Variants in CAMK2D observed in about 807,000 individuals in gnomAD.
The protein encoded by CAMK2D is calcium/calmodulin-dependent protein kinase type II subunit delta.
A neutral mutation model predicts 84.0 loss-of-function variants in CAMK2D; 37 were observed. The ratio of observed to expected loss-of-function variants is 0.44; its 90% CI spans 0.34 to 0.58. CAMK2D has a LOEUF of 0.58. CAMK2D is among the 20% of genes least tolerant of loss of function. The probability of loss-of-function intolerance (pLI) is 0.02; values close to 1 mark genes in which losing one functional copy is unlikely to be tolerated. For synonymous variants in CAMK2D, 202 were observed against 212.5 expected (o/e 0.95, Z 0.43); for missense variants, 448 against 652.5 (o/e 0.69, Z 3.41).
chr4:113,534,310 T>G (rs1293198908), intron 7 of CAMK2D, among the ~76,000 whole-genome samples: 4 of 152,114 alleles, frequency 2.6e-5, no homozygotes, highest in Admixed American at 1.3e-4. Context: ...CAGATTACCA[T>G]GAAGATTCGC....
At chr4:113,585,472 A>G (rs1369386185) in intron 4 of CAMK2D, among the ~76,000 whole-genome samples, 1 of 152,134 alleles carries the variant, frequency 6.6e-6, no homozygotes, top group African/African-American at 2.4e-5. Flanking sequence ...TTGTATACAC[A>G]GGGTAATTCA....
At chr4:113,522,148 T>C (rs2098368627) in intron 8 of CAMK2D, among the ~76,000 whole-genome samples, 1 of 152,326 alleles carries the variant, frequency 6.6e-6, no homozygotes, top group East Asian at 1.9e-4. Context: ...TTAAAAAAGT[T>C]GTTAAACCTA....
Position 113,563,642 on chromosome 4 carries a change from C to A in CAMK2D, c.276-11546G>T, listed in dbSNP as rs185016786. ...GGTGCTATCCCACAGATTTCTAATA[C>A]TGGAGAAGGAAAGGTAATTTTCTTG... On this transcript the variant is annotated intron_variant, in intron 4 of 20. Transcript: ENST00000511664. Among the ~76,000 whole-genome samples the A allele has an allele frequency of 1.1e-3, 166 of 152,298 alleles. 1 individual carries two copies. Among genetic ancestry groups the A allele is most frequent in the African/African-American group, 3.7e-3 (152 of 41,552 alleles).
intron 12 of CAMK2D, among the ~76,000 whole-genome samples, chr4:113,512,851 G>A (rs2098233929): frequency 1.3e-5 from 2 of 152,306 alleles, no homozygotes; most frequent in East Asian, 1.9e-4. Context: ...GATTACAGGC[G>A]TGAGCCACCA....
chr4:113,622,609 T>C (rs943379853), intron 3 of CAMK2D, among the ~76,000 whole-genome samples: 1 of 152,132 alleles, frequency 6.6e-6, no homozygotes, highest in Non-Finnish European at 1.5e-5. Flanking sequence ...TACAAAACAT[T>C]TTTTAAAAGC....
At position 113,488,582 on chromosome 4, in the gene CAMK2D, CTCAA is replaced by C. The variant is rs746428658; in HGVS notation, c.1135+11877_1135+11880del. ...TCACAGTTTAAAAACTGATTGATAG[CTCAA>C]TCAAAGTTTAGAATCTGATGGAAGA... On this transcript the variant is annotated intron_variant, in intron 16 of 20. Transcript: ENST00000511664. Among the ~76,000 whole-genome samples, 12 of 152,224 alleles carry C rather than the reference CTCAA, an allele frequency of 7.9e-5. No homozygotes were observed. In the East Asian group the frequency reaches 2.1e-3, roughly 27 times the overall value.
chr4:113,735,806 T>A (rs1351356513), intron 2 of CAMK2D, among the ~76,000 whole-genome samples: 1 of 152,064 alleles, frequency 6.6e-6, no homozygotes, highest in African/African-American at 2.4e-5. Flanking sequence ...AAAAGACAAA[T>A]GGCATTAAAG....
chr4:113,730,418 T>C (rs765682794), intron 2 of CAMK2D, among the ~76,000 whole-genome samples: 1 of 152,124 alleles, frequency 6.6e-6, no homozygotes, highest in Non-Finnish European at 1.5e-5. Flanking sequence ...AGCAGAAAGG[T>C]TTTCCTGTAT....
intron 17 of CAMK2D, among the ~76,000 whole-genome samples, chr4:113,462,282 GTGTGTGTGTGTGTC>G (rs1564401620): frequency 2.5e-5 from 2 of 81,326 alleles, no homozygotes; most frequent in African/African-American, 9.2e-5. Flanking sequence ...GTGTGTGTGT[GTGTGTGTGTGTGTC>G]TGTCTGTCTG....
intron 4 of CAMK2D, among the ~76,000 whole-genome samples, chr4:113,603,773 TTATATATATATATA>T (rs139576985): frequency 1.6e-5 from 2 of 127,988 alleles, no homozygotes; most frequent in Non-Finnish European, 1.6e-5. Context: ...TCTTGCTATT[TTATATATATATATA>T]TATATATATA....
intron 16 of CAMK2D, among the ~76,000 whole-genome samples, chr4:113,469,912 A>G (rs1307259409): frequency 6.6e-6 from 1 of 152,080 alleles, no homozygotes; most frequent in Admixed American, 6.6e-5. Context: ...ATAAGCACCC[A>G]TCATTTCTTG....
At chr4:113,754,690 T>G (rs553820747) in intron 2 of CAMK2D, 2 of 978,154 alleles carry the variant, frequency 2.0e-6, no homozygotes, top group African/African-American at 3.5e-5. Context: ...ACTTTTTTTT[T>G]TTATTATTTG....
At chr4:113,584,484 A>G (rs535237067) in intron 4 of CAMK2D, among the ~76,000 whole-genome samples, 3 of 152,284 alleles carry the variant, frequency 2.0e-5, no homozygotes, top group South Asian at 4.2e-4. Flanking sequence ...GTTTCTTGGA[A>G]GGCTTTGGGG....
At chr4:113,637,086 C>T (rs774094782) in intron 3 of CAMK2D, among the ~76,000 whole-genome samples, 2 of 152,148 alleles carry the variant, frequency 1.3e-5, no homozygotes, top group Non-Finnish European at 2.9e-5. Context: ...GGCCCACTTA[C>T]CATAATCTGA....
chr4:113,525,285 G>A (rs558258156), intron 8 of CAMK2D, among the ~76,000 whole-genome samples: 1 of 152,138 alleles, frequency 6.6e-6, no homozygotes, highest in Non-Finnish European at 1.5e-5. Flanking sequence ...TATGTACATA[G>A]GGTGCGGGAG....
At chr4:113,482,392 T>G (rs184852952) in intron 16 of CAMK2D, among the ~76,000 whole-genome samples, 1 of 152,178 alleles carries the variant, frequency 6.6e-6, no homozygotes, top group African/African-American at 2.4e-5. Flanking sequence ...AAAGAAAGAC[T>G]AAGGATGATG....
intron 13 of CAMK2D, chr4:113,508,324 T>TTAGAG: frequency 3.2e-6 from 4 of 1,252,116 alleles, no homozygotes; most frequent in Non-Finnish European, 4.6e-6. Context: ...CCGGTTGAAT[T>TTAGAG]TAGAGTATCA....
chr4:113,705,961 G>A (rs1251334566), intron 2 of CAMK2D, among the ~76,000 whole-genome samples: 1 of 152,138 alleles, frequency 6.6e-6, no homozygotes, highest in Non-Finnish European at 1.5e-5. Flanking sequence ...ATGTGGTGGG[G>A]GCAGGAGACA....
At position 113,451,617 on chromosome 4, in the gene CAMK2D, CA is replaced by C. The variant is rs2097258295; in HGVS notation, c.*2927del. The C allele has an allele frequency of 6.6e-6, 1 of 152,160 alleles. No homozygotes were observed. Among genetic ancestry groups the C allele is most frequent in the Non-Finnish European group, 1.5e-5 (1 of 68,042 alleles). 9.4% of individuals were successfully genotyped at this position (152,160 alleles called of 1,614,324 possible). A position where few individuals can be genotyped will look rare whatever the true frequency, so the allele number is the denominator to read the frequency against. On this transcript the variant is annotated 3_prime_UTR_variant, in exon 21 of 21. Coordinates refer to ENST00000511664, the MANE Select transcript of CAMK2D (RefSeq NM_001321571.2). ...GGGTACCCCTTGAGGCTTCTGTTATCAAAAGGGCTTGGCCTCAATTCAACAA... is the reference window on the plus strand; with the variant it reads ...GGGTACCCCTTGAGGCTTCTGTTATCAAAGGGCTTGGCCTCAATTCAACAA...
Sources: allele counts gnomAD v4.1 joint callset (sites outside exome capture counted in the v4.1 genomes callset), GRCh38; gene constraint gnomAD v4.1.1; transcripts MANE v1.5; gene names NCBI Gene and HGNC (gene_info 2026-07-23, HGNC 2026-07-21).